The following FMN2 variants were observed in gnomAD, a reference collection of about 807,000 sequenced individuals.
FMN2 encodes formin-2.
In FMN2, 51 loss-of-function variants were observed where a neutral mutation model predicts 142.3. The ratio of observed to expected loss-of-function variants is 0.36; its 90% confidence interval spans 0.29 to 0.45. The LOEUF is 0.45. FMN2 is among the 20% of genes least tolerant of loss of function. The pLI is 1.00. For missense variants in FMN2, 1,936 were observed against 2,122.8 expected (o/e 0.91, Z 1.73); for synonymous variants, 882 against 869.8 (o/e 1.01, Z -0.25).
chr1:240,242,307 A>G (rs111560301), intron 6 of FMN2, among the ~76,000 whole-genome samples: 2,054 of 152,302 alleles, frequency 0.013, 23 homozygotes, highest in Non-Finnish European at 0.022. Context: ...ATGGCAAAAG[A>G]TAGTCGAGGG....
chr1:240,218,775 C>A (rs1667001426), intron 6 of FMN2, among the ~76,000 whole-genome samples: 1 of 152,082 alleles, frequency 6.6e-6, no homozygotes, highest in African/African-American at 2.4e-5. Context: ...AGGAAATGAG[C>A]TAAAATACCA....
chr1:240,184,945 C>CCTTCCCCTTCTCTTTCTCCCTCCTATAA (rs1665345382), intron 3 of FMN2, among the ~76,000 whole-genome samples: 4 of 140,934 alleles, frequency 2.8e-5, no homozygotes, highest in Admixed American at 1.4e-4. Flanking sequence ...CCCTCCTATA[C>CCTTCCCCTTCTCTTTCTCCCTCCTATAA]CTTCCCCTTC....
At chr1:240,390,852 G>C (rs547101400) in intron 14 of FMN2, among the ~76,000 whole-genome samples, 1 of 152,160 alleles carries the variant, frequency 6.6e-6, no homozygotes, top group Non-Finnish European at 1.5e-5. Context: ...TTCTAAAATA[G>C]TCTAGAAATT....
At position 240,159,978 on chromosome 1, in the gene FMN2, C is replaced by T. The variant is rs553901762; in HGVS notation, c.1783-17943C>T. On this transcript the variant is annotated intron_variant, in intron 2 of 17. Transcript: ENST00000319653. ...ATATCTGTGTATATATATATATACA[C>T]ACACACACACACACACACACATACA... Among the ~76,000 whole-genome samples, 1,024 of 134,940 alleles carry T rather than the reference C, an allele frequency of 7.6e-3. 16 individuals carry two copies. Among genetic ancestry groups the T allele is most frequent in the African/African-American group, 0.023 (828 of 36,106 alleles). The allele number at this position is 134,940 out of a possible 152,430, so 88.5% of individuals were successfully genotyped here.
At chr1:240,199,365 TACATAATAA>T in intron 4 of FMN2, among the ~76,000 whole-genome samples, 1 of 152,292 alleles carries the variant, frequency 6.6e-6, no homozygotes, top group Non-Finnish European at 1.5e-5. Flanking sequence ...GTATCCTGCT[TACATAATAA>T]ACATAATAAA....
intron 6 of FMN2, among the ~76,000 whole-genome samples, chr1:240,226,752 C>A (rs1358792709): frequency 1.3e-5 from 2 of 151,916 alleles, no homozygotes; most frequent in East Asian, 3.9e-4. Flanking sequence ...AGACAAAAGT[C>A]CGTGAACATC....
chr1:240,365,312 CAT>C (rs1339441688), intron 14 of FMN2, among the ~76,000 whole-genome samples: 1 of 128,852 alleles, frequency 7.8e-6, no homozygotes, highest in South Asian at 2.5e-4. Context: ...CACAGACACA[CAT>C]ATATATACAC....
Position 240,322,645 on chromosome 1 carries a change from A to G in FMN2, c.4216-6431A>G, listed in dbSNP as rs947100753. 4.6e-5 allele frequency among the ~76,000 whole-genome samples: 7 copies of G among 152,142 alleles called. 1 individual carries two copies. The highest frequency in any genetic ancestry group is 3.3e-4 in the Admixed American group (5 of 15,278). ...GTTGGAAGAGGGTCTTTCCTCAAGA[A>G]ACAGTTCCCCCATGAAGTGACTGAG... On this transcript the variant is annotated intron_variant, in intron 8 of 17. Coordinates refer to ENST00000319653, the MANE Select transcript of FMN2 (RefSeq NM_020066.5).
chr1:240,192,251 G>A (rs1157872687), intron 4 of FMN2, among the ~76,000 whole-genome samples: 1 of 152,222 alleles, frequency 6.6e-6, no homozygotes, highest in Non-Finnish European at 1.5e-5. Context: ...AACAGATGGA[G>A]TAATGTGGAG....
At chr1:240,097,607 G>A (rs1213733890) in intron 1 of FMN2, among the ~76,000 whole-genome samples, 2 of 152,054 alleles carry the variant, frequency 1.3e-5, no homozygotes, top group African/African-American at 4.8e-5. Context: ...CGCCCGCCTC[G>A]GCCGCCCAAA....
intron 6 of FMN2, among the ~76,000 whole-genome samples, chr1:240,226,355 T>C (rs1667298528): frequency 6.6e-6 from 1 of 152,138 alleles, no homozygotes; most frequent in Non-Finnish European, 1.5e-5. Flanking sequence ...TTATCAGAAT[T>C]AATGAAGACC....
At chr1:240,395,554 T>G (rs947182300) in intron 15 of FMN2, among the ~76,000 whole-genome samples, 1 of 152,210 alleles carries the variant, frequency 6.6e-6, no homozygotes, top group African/African-American at 2.4e-5. Context: ...AATATCAGCG[T>G]TAACAGGAGT....
chr1:240,233,103 G>A (rs1010756177), intron 6 of FMN2, among the ~76,000 whole-genome samples: 1 of 152,120 alleles, frequency 6.6e-6, no homozygotes, highest in African/African-American at 2.4e-5. Context: ...TATGATGGCC[G>A]GGCTTGGTGG....
chr1:240,390,019 G>A (rs533378460), intron 14 of FMN2, among the ~76,000 whole-genome samples: 9 of 152,274 alleles, frequency 5.9e-5, no homozygotes, highest in African/African-American at 2.2e-4. Flanking sequence ...TGGAAAAAGG[G>A]TATCTCTGTT....
intron 13 of FMN2, among the ~76,000 whole-genome samples, chr1:240,350,744 G>A (rs1672069926): frequency 6.6e-6 from 1 of 152,162 alleles, no homozygotes; most frequent in South Asian, 2.1e-4. Context: ...AAAGGGAGAT[G>A]CAAAGTTGAG....
intron 14 of FMN2, among the ~76,000 whole-genome samples, chr1:240,356,786 A>G (rs544048863): frequency 3.3e-5 from 5 of 152,342 alleles, no homozygotes; most frequent in Non-Finnish European, 7.3e-5. Flanking sequence ...AGGTTGTTCA[A>G]GTGTCATTAA....
intron 6 of FMN2, among the ~76,000 whole-genome samples, chr1:240,255,789 G>C (rs1346291028): frequency 2.0e-5 from 3 of 152,258 alleles, no homozygotes; most frequent in South Asian, 2.1e-4. Context: ...AATTTAAATA[G>C]AGATGTCTTT....
intron 6 of FMN2, among the ~76,000 whole-genome samples, chr1:240,211,483 A>C (rs146855216): frequency 6.6e-6 from 1 of 152,324 alleles, no homozygotes; most frequent in East Asian, 1.9e-4. Context: ...TATTTCCAAA[A>C]TATCCGCCAT....
intron 1 of FMN2, among the ~76,000 whole-genome samples, chr1:240,094,953 G>T (rs1000716082): frequency 6.6e-6 from 1 of 151,904 alleles, no homozygotes; most frequent in South Asian, 2.1e-4. Flanking sequence ...CCCTTATAGG[G>T]TCTTACCCTT....
Sources: allele counts gnomAD v4.1 joint callset (sites outside exome capture counted in the v4.1 genomes callset), GRCh38; gene constraint gnomAD v4.1.1; transcripts MANE v1.5; gene names NCBI Gene and HGNC (gene_info 2026-07-23, HGNC 2026-07-21).